Variants in ZNF518B observed in about 807,000 individuals in gnomAD.
ZNF518B encodes zinc finger protein 518B.
A neutral mutation model predicts 56.3 loss-of-function variants in ZNF518B; 23 were observed. The ratio of observed to expected loss-of-function variants is 0.41; its 90% CI spans 0.29 to 0.58. The LOEUF is 0.58. ZNF518B is among the 20% of genes least tolerant of loss of function. The pLI is 0.32. For synonymous variants in ZNF518B, 529 were observed against 465.9 expected, an observed-to-expected ratio of 1.14 and a Z score of -1.74; for missense variants, 1,460 against 1,272.1, an observed-to-expected ratio of 1.15 and a Z score of -2.25.
At chr4:10,455,251 T>C (rs1302420087) in intron 1 of ZNF518B, among the ~76,000 whole-genome samples, 1 of 152,202 alleles carries the variant, frequency 6.6e-6, no homozygotes, top group Non-Finnish European at 1.5e-5. Flanking sequence ...CCTCACCCTA[T>C]GATGACAATG....
chr4:10,440,261 A>C lies in ZNF518B; in HGVS notation c.*2843T>G, dbSNP rs1714613203. ...GGGGATACAAAATTGAATATAATATAGTCTATCAGAGTATACTTTGGGTCA... is the reference window on the plus strand; with the variant it reads ...GGGGATACAAAATTGAATATAATATCGTCTATCAGAGTATACTTTGGGTCA... On this transcript the variant is annotated 3_prime_UTR_variant, in exon 3 of 3. Transcript: ENST00000326756. 1 of 150,590 alleles carries C rather than the reference A, an allele frequency of 6.6e-6. No individual in the cohort carries two copies. Among genetic ancestry groups the C allele is most frequent in the Admixed American group, 6.7e-5 (1 of 14,956 alleles). The allele number at this position is 150,590 out of a possible 1,614,324, so 9.3% of individuals were successfully genotyped here.
At position 10,445,770 on chromosome 4, in the gene ZNF518B, T is replaced by C. The variant is rs527996969; in HGVS notation, c.559A>G (p.Ile187Val). Residue 187 changes from isoleucine to valine, a missense_variant, in exon 3 of 3, where the codon ATA (isoleucine) becomes GTA (valine). By Grantham distance (29) the Ile-to-Val change is conservative (BLOSUM62 3). Transcript: ENST00000326756. The stretch of plus-strand genomic sequence containing the variant: ...CAATACTCACACTGATAAGGAAATA[T>C]GCCTGTGTGTTTCACCAAATGCCTC... ...FQRHLVKHTGIFPYQCEYCDY... is the reference protein window; with the variant it reads ...FQRHLVKHTGVFPYQCEYCDY... 1.9e-6 allele frequency: 3 copies of C among 1,614,228 alleles called. No homozygotes were observed. Among genetic ancestry groups the C allele is most frequent in the South Asian group, 1.1e-5 (1 of 91,090 alleles).
At chr4:10,452,318 A>C (rs1715354115) in intron 2 of ZNF518B, 1 of 152,138 alleles carries the variant, frequency 6.6e-6, no homozygotes, top group Admixed American at 6.6e-5. Flanking sequence ...CGATCAGGAG[A>C]TGCAAACTAG....
chr4:10,455,009 T>A (rs1715470325), intron 1 of ZNF518B, 21 bp from the exon 2 acceptor site: 1 of 152,220 alleles, frequency 6.6e-6, no homozygotes, highest in Non-Finnish European at 1.5e-5. Flanking sequence ...AGCCAAACAC[T>A]TGGGTTTAAG....
Position 10,445,146 on chromosome 4 carries a change from C to T in ZNF518B, c.1183G>A (p.Glu395Lys), listed in dbSNP as rs1714932101. Reference sequence around the variant, plus strand: ...GTTTTTTCTGCAGAAAGTACTTTTTCTTGTTCATTTGAACCCTTCTCTTTC... The same window carrying T: ...GTTTTTTCTGCAGAAAGTACTTTTTTTTGTTCATTTGAACCCTTCTCTTTC... ...MVKEKGSNEQEKVLSAEKTKS... is the reference protein window; with the variant it reads ...MVKEKGSNEQKKVLSAEKTKS... Residue 395 changes from glutamate (E) to lysine (K), a missense_variant, in exon 3 of 3, where the codon GAA (glutamate) becomes AAA (lysine). Transcript: ENST00000326756. The T allele has an allele frequency of 3.1e-6, 5 of 1,614,040 alleles. No individual in the cohort carries two copies. The East Asian group carries it at 6.7e-5, about 22-fold the overall frequency.
In ZNF518B at chr4:10,444,089, T is replaced by C. The variant is rs768119138; in HGVS notation, c.2240A>G (p.His747Arg). 19 of 1,614,080 alleles carry C rather than the reference T, an allele frequency of 1.2e-5. No homozygotes were observed. Among genetic ancestry groups the C allele is most frequent in the South Asian group, 3.3e-5 (3 of 91,086 alleles). ...RQLTHQQIYP[H>R]FADGSNRKTK... ...TTTCCTATTACTGCCATCTGCAAAG[T>C]GTGGATATATTTGTTGATGAGTAAG... Residue 747 changes from histidine to arginine, a missense_variant, in exon 3 of 3, where the codon CAC (histidine) becomes CGC (arginine). Physicochemically the swap from His to Arg is conservative, Grantham distance 29. Transcript: ENST00000326756.
At chr4:10,451,282 G>C (rs934061698) in intron 2 of ZNF518B, 2 of 152,140 alleles carry the variant, frequency 1.3e-5, no homozygotes, top group African/African-American at 4.8e-5. Context: ...TAAAAACGAA[G>C]CATTTGACTT....
Position 10,444,288 on chromosome 4 carries a change from A to C in ZNF518B, c.2041T>G (p.Ser681Ala). 1 of 1,614,200 alleles carries C rather than the reference A, an allele frequency of 6.2e-7. No homozygotes were observed. The highest frequency in any genetic ancestry group is 8.5e-7 in the Non-Finnish European group (1 of 1,180,020). Reference sequence around the variant, plus strand: ...CGATGTGCACTATTTGAAGCCAAAGATGACGGCTTCCCACAGGACTCAATT... The same window carrying C: ...CGATGTGCACTATTTGAAGCCAAAGCTGACGGCTTCCCACAGGACTCAATT... ...QLIESCGKPS[S>A]LASNSAHRRS... The change falls in exon 3 of 3, where the codon TCT becomes GCT. Residue 681 changes from serine to alanine, a missense_variant. Coordinates refer to ENST00000326756, the MANE Select transcript of ZNF518B (RefSeq NM_053042.3).
chr4:10,443,426 C>T lies in ZNF518B; in HGVS notation c.2903G>A (p.Gly968Asp). The change falls in exon 3 of 3, where the codon GGC becomes GAC. Residue 968 changes from glycine to aspartate, a missense_variant. Gly to Asp is a moderately conservative substitution (Grantham distance 94). Transcript: ENST00000326756. Reference protein sequence around the residue: ...NVMKVINKYKGNVLKVVLSER... With the variant: ...NVMKVINKYKDNVLKVVLSER... ...TGATAAAACAACTTTGAGGACATTG[C>T]CTTTGTATTTATTTATTACCTTCAT... 6.2e-7 allele frequency: 1 copy of T among 1,614,178 alleles called. No individual in the cohort carries two copies. Among genetic ancestry groups the T allele is most frequent in the Non-Finnish European group, 8.5e-7 (1 of 1,180,024 alleles).
intron 2 of ZNF518B, chr4:10,453,132 A>G (rs765359035): frequency 3.9e-5 from 6 of 152,272 alleles, no homozygotes; most frequent in Admixed American, 6.5e-5. Flanking sequence ...TAAAATGTGA[A>G]TATTTCTCAT....
chr4:10,460,160 C>G (rs1715696827), upstream of ZNF518B, among the ~76,000 whole-genome samples: 1 of 151,858 alleles, frequency 6.6e-6, no homozygotes. Context: ...CAAAAATTAA[C>G]TGGGCGTGGT....
At chr4:10,456,067 G>A (rs1007854473) in intron 1 of ZNF518B, among the ~76,000 whole-genome samples, 1 of 152,172 alleles carries the variant, frequency 6.6e-6, no homozygotes, top group Non-Finnish European at 1.5e-5. Context: ...AGCTTCTAGA[G>A]ACCCAGGTTT....
chr4:10,456,608 G>T (rs997629298), intron 1 of ZNF518B, among the ~76,000 whole-genome samples: 4 of 152,156 alleles, frequency 2.6e-5, no homozygotes, highest in Non-Finnish European at 5.9e-5. Flanking sequence ...TTGTCGGCAC[G>T]CTCCCCCGAT....
intron 2 of ZNF518B, chr4:10,451,264 G>A (rs973211703): frequency 6.6e-6 from 1 of 152,176 alleles, no homozygotes; most frequent in Non-Finnish European, 1.5e-5. Context: ...GACTGTGTAA[G>A]TTCCTATTAA....
intron 1 of ZNF518B, among the ~76,000 whole-genome samples, chr4:10,455,564 G>T (rs989919801): frequency 5.3e-5 from 8 of 152,104 alleles, no homozygotes; most frequent in Non-Finnish European, 1.2e-4. Flanking sequence ...CACAAAAACT[G>T]GCCCCGATGC....
At chr4:10,460,325 C>CAAAAAAAAAAAAAAAAAAAAA (rs1043723933), upstream of ZNF518B, among the ~76,000 whole-genome samples, 47 of 57,600 alleles carry the variant, frequency 8.2e-4, 14 homozygotes, top group African/African-American at 1.3e-3. Flanking sequence ...AAAAAAAAAC[C>CAAAAAAAAAAAAAAAAAAAAA]AAAAAAAAAA....
rs76605416 is a variant in ZNF518B at position 10,444,260 on chromosome 4, C to T, written c.2069G>A (p.Arg690His). 2,439 of 1,614,142 alleles carry T rather than the reference C, an allele frequency of 1.5e-3. 35 individuals are homozygous for T. The African/African-American group carries it at 0.027, about 18-fold the overall frequency. Residue 690 changes from arginine to histidine, a missense_variant, in exon 3 of 3, where the codon CGC (arginine) becomes CAC (histidine). Transcript: ENST00000326756. ...SSLASNSAHR[R>H]SVGQASKGTS... ...TCCCTTTGATGCCTGCCCTACAGAGCGACGATGTGCACTATTTGAAGCCAA... is the reference window on the plus strand; with the variant it reads ...TCCCTTTGATGCCTGCCCTACAGAGTGACGATGTGCACTATTTGAAGCCAA...
rs765044088 is a variant in ZNF518B, at chr4:10,445,271, A to G, written c.1058T>C (p.Val353Ala). The change falls in exon 3 of 3, where the codon GTC becomes GCC. Residue 353 changes from valine (V) to alanine (A), a missense_variant. By Grantham distance (64) the Val-to-Ala change is moderately conservative. Coordinates refer to ENST00000326756, the MANE Select transcript of ZNF518B (RefSeq NM_053042.3). ...CAGAACAAGCTGCTGTGTACCATTG[A>G]CAACCTTCACATCTATCAACTGGGC... is the stretch of plus-strand genomic sequence containing the variant. ...CLAQLIDVKV[V>A]NGTQQLVLKL... 1.8e-5 allele frequency: 29 copies of G among 1,613,980 alleles called. No homozygotes were observed. Among genetic ancestry groups the G allele is most frequent in the Non-Finnish European group, 2.2e-5 (26 of 1,179,942 alleles).
chr4:10,459,496 T>C (rs1715676975), upstream of ZNF518B, among the ~76,000 whole-genome samples: 1 of 152,160 alleles, frequency 6.6e-6, no homozygotes, highest in African/African-American at 2.4e-5. Flanking sequence ...AAAAATACGT[T>C]GAAGCGCTAA....
Sources: allele counts gnomAD v4.1 joint callset (sites outside exome capture counted in the v4.1 genomes callset), GRCh38; gene constraint gnomAD v4.1.1; transcripts MANE v1.5; gene names NCBI Gene and HGNC (gene_info 2026-07-23, HGNC 2026-07-21).